The following GPA33 variants were observed in gnomAD, a reference collection of about 807,000 sequenced individuals.
The protein encoded by GPA33 is glycoprotein A33, also known as cell surface A33 antigen.
A neutral mutation model predicts 35.6 loss-of-function variants in GPA33; 27 were observed. The observed-to-expected ratio is 0.76, with a 90% CI of 0.56 to 1.04. GPA33 has a LOEUF of 1.04. Ranked by LOEUF, GPA33 falls within the 50% of genes least tolerant of loss-of-function variation. GPA33 has a pLI of 0.00. For missense variants in GPA33, 428 were observed against 411.9 expected (o/e 1.04, Z -0.34); for synonymous variants, 176 against 164.0 (o/e 1.07, Z -0.56).
intron 1 of GPA33, among the ~76,000 whole-genome samples, chr1:167,077,261 T>C (rs1433901946): frequency 2.0e-5 from 3 of 151,852 alleles, no homozygotes; most frequent in Non-Finnish European, 2.9e-5. Context: ...CAAGTCACCC[T>C]TCATCAGAAG....
intron 2 of GPA33, among the ~76,000 whole-genome samples, chr1:167,072,727 C>T (rs191323132): frequency 6.6e-6 from 1 of 152,198 alleles, no homozygotes; most frequent in East Asian, 1.9e-4. Flanking sequence ...TACTCATATA[C>T]ACAAAGAGCC....
intron 1 of GPA33, among the ~76,000 whole-genome samples, chr1:167,085,003 G>C (rs1243288512): frequency 6.6e-6 from 1 of 152,178 alleles, no homozygotes; most frequent in African/African-American, 2.4e-5. Context: ...CATGAGTTTT[G>C]TTTTCAGTTT....
intron 4 of GPA33, among the ~76,000 whole-genome samples, chr1:167,061,803 C>T (rs1046639103): frequency 6.6e-6 from 1 of 151,976 alleles, no homozygotes; most frequent in Admixed American, 6.5e-5. Context: ...GGGGTTTCAC[C>T]GTGTTAGCCA....
At position 167,073,553 on chromosome 1, in the gene GPA33, A is replaced by G. The variant is rs754592700; in HGVS notation, c.44-14T>C. The G allele has an allele frequency of 1.9e-6, 3 of 1,611,172 alleles. No homozygotes were observed. In the Admixed American group the frequency reaches 5.0e-5, roughly 27 times the overall value. ...CGGTCACCCTGACTGGAAAGAAAGT[A>G]GGCAGTGGAAGGGAAAAGTAAGCGA... On this transcript the variant is annotated splice_polypyrimidine_tract_variant and intron_variant, in intron 1 of 6. Transcript: ENST00000367868.
chr1:167,063,476 C>T (rs916876508), intron 4 of GPA33, 106 bp downstream of exon 4: 53 of 939,032 alleles, frequency 5.6e-5, no homozygotes, highest in South Asian at 3.5e-4. Flanking sequence ...AAGCAAGCGG[C>T]CTTCAGGGGG....
intron 3 of GPA33, among the ~76,000 whole-genome samples, chr1:167,067,637 G>A (rs1666629522): frequency 6.6e-6 from 1 of 152,104 alleles, no homozygotes; most frequent in Non-Finnish European, 1.5e-5. Context: ...GATGTCTATT[G>A]TAGTATTGTT....
At chr1:167,056,970 GTGTGTGA>G (rs1666321068) in intron 4 of GPA33, among the ~76,000 whole-genome samples, 1 of 94,990 alleles carries the variant, frequency 1.1e-5, no homozygotes, top group South Asian at 3.6e-4. Flanking sequence ...GTGGTGTGCA[GTGTGTGA>G]TGTGTGGTGT....
chr1:167,067,221 C>T (rs993203459), intron 3 of GPA33, among the ~76,000 whole-genome samples: 2 of 151,992 alleles, frequency 1.3e-5, no homozygotes, highest in African/African-American at 2.4e-5. Flanking sequence ...AGCAGCGGCT[C>T]GATCACGGCT....
At chr1:167,054,834 G>C (rs878906316) in intron 6 of GPA33, 142 bp downstream of exon 6, 4 of 922,426 alleles carry the variant, frequency 4.3e-6, no homozygotes, top group Admixed American at 2.3e-5. Context: ...TTTATGGCTT[G>C]GACAGGTCAT....
intron 1 of GPA33, among the ~76,000 whole-genome samples, chr1:167,086,559 A>G (rs1224680199): frequency 6.6e-6 from 1 of 152,228 alleles, no homozygotes. Context: ...GGCACTTCAG[A>G]GCAGACAAGT....
At chr1:167,069,827 T>C (rs1666678509) in intron 2 of GPA33, among the ~76,000 whole-genome samples, 1 of 152,224 alleles carries the variant, frequency 6.6e-6, no homozygotes, top group Non-Finnish European at 1.5e-5. Context: ...AGTAGTAATA[T>C]ACACAAAGCA....
intron 2 of GPA33, among the ~76,000 whole-genome samples, chr1:167,072,835 A>G (rs1666746469): frequency 6.6e-6 from 1 of 151,862 alleles, no homozygotes; most frequent in Admixed American, 6.6e-5. Context: ...ACATATATCC[A>G]TGCTCGTATA....
At chr1:167,059,974 T>A (rs534799032) in intron 4 of GPA33, among the ~76,000 whole-genome samples, 1 of 152,356 alleles carries the variant, frequency 6.6e-6, no homozygotes, top group South Asian at 2.1e-4. Flanking sequence ...TACCCTCCTC[T>A]CCAAATCGTC....
chr1:167,083,519 G>T (rs994696135), intron 1 of GPA33, among the ~76,000 whole-genome samples: 1 of 152,232 alleles, frequency 6.6e-6, no homozygotes, highest in Non-Finnish European at 1.5e-5. Context: ...GGGATACAAC[G>T]TGGGGCAGGG....
intron 1 of GPA33, among the ~76,000 whole-genome samples, chr1:167,078,069 T>G (rs1396854772): frequency 6.6e-6 from 1 of 152,210 alleles, no homozygotes; most frequent in Non-Finnish European, 1.5e-5. Context: ...AATTTTTGCC[T>G]GCAGGGACAG....
chr1:167,052,836 TAAG>T lies in GPA33; in HGVS notation c.*1495_*1497del, dbSNP rs1041469099. ...AACAAAATCCACATTAAAAAAGAAATAAGAATTTCCACCCACAATTTTATTATT... is the reference window on the plus strand; with the variant it reads ...AACAAAATCCACATTAAAAAAGAAATAATTTCCACCCACAATTTTATTATT... On this transcript the variant is annotated 3_prime_UTR_variant, in exon 7 of 7. Coordinates refer to ENST00000367868, the MANE Select transcript of GPA33 (RefSeq NM_005814.3). 6.6e-6 allele frequency: 1 copy of T among 151,922 alleles called. No homozygotes were observed. The highest frequency in any genetic ancestry group is 1.5e-5 in the Non-Finnish European group (1 of 67,992). The allele number at this position is 151,922 out of a possible 1,614,324, so 9.4% of individuals were successfully genotyped here.
At position 167,055,011 on chromosome 1, in the gene GPA33, C is replaced by T; in HGVS notation, c.792G>A (p.Lys264=). Residue 264 remains lysine, a synonymous_variant, in exon 6 of 7, where the codon AAG becomes AAA. Coordinates refer to ENST00000367868, the MANE Select transcript of GPA33 (RefSeq NM_005814.3). The stretch of plus-strand genomic sequence containing the variant: ...CCTCCTTGTCTTCAGTGTTGTCGTC[C>T]TTCCCTCGGCAGCAGCAGCAGTAGA... ...IIIYCCCCRG[K]DDNTEDKEDA... The T allele has an allele frequency of 6.2e-7, 1 of 1,614,078 alleles. No homozygotes were observed. Among genetic ancestry groups the T allele is most frequent in the Admixed American group, 1.7e-5 (1 of 60,022 alleles).
At chr1:167,073,774 C>G (rs1421185585) in intron 1 of GPA33, among the ~76,000 whole-genome samples, 9 of 152,182 alleles carry the variant, frequency 5.9e-5, no homozygotes, top group Admixed American at 5.9e-4. Flanking sequence ...GATGAATTGC[C>G]TGGCCCTGAA....
intron 1 of GPA33, among the ~76,000 whole-genome samples, chr1:167,075,208 C>A (rs941865112): frequency 1.3e-5 from 2 of 152,030 alleles, no homozygotes; most frequent in African/African-American, 4.8e-5. Context: ...GCCTGACATA[C>A]ATTGTTAAAA....
Sources: gnomAD v4.1 joint callset for allele counts (sites outside exome capture counted in the v4.1 genomes callset) on GRCh38, gnomAD v4.1.1 for gene constraint, MANE v1.5 for transcripts, NCBI Gene and HGNC (gene_info 2026-07-23, HGNC 2026-07-21) for gene names.